The following SGCD variants were observed in gnomAD, a reference collection of about 807,000 sequenced individuals.
SGCD encodes the protein delta-sarcoglycan.
Under a neutral mutation model 36.6 loss-of-function variants are expected in SGCD, and 18 were observed. The ratio of observed to expected loss-of-function variants is 0.49; its 90% CI spans 0.34 to 0.73. SGCD has a LOEUF of 0.73. SGCD is among the 30% of genes least tolerant of loss of function. The pLI is 0.01. For synonymous variants in SGCD, 133 were observed against 130.6 expected, an observed-to-expected ratio of 1.02 and a Z score of -0.12; for missense variants, 387 against 346.7, an observed-to-expected ratio of 1.12 and a Z score of -0.92.
intron 3 of SGCD, among the ~76,000 whole-genome samples, chr5:156,428,547 C>A (rs1213730970): frequency 6.6e-6 from 1 of 151,946 alleles, no homozygotes; most frequent in Non-Finnish European, 1.5e-5. Context: ...TAGTTCTGCT[C>A]TGATCCTTGT....
At chr5:156,334,612 T>TC (rs1023953599) in intron 2 of SGCD, among the ~76,000 whole-genome samples, 4 of 145,934 alleles carry the variant, frequency 2.7e-5, no homozygotes, top group African/African-American at 1.0e-4. Flanking sequence ...CTATTTTCTT[T>TC]TTTTTTTTTT....
chr5:156,204,367 C>T (rs766757480), intron 3 of SGCD, among the ~76,000 whole-genome samples: 9 of 151,802 alleles, frequency 5.9e-5, no homozygotes, highest in Non-Finnish European at 1.2e-4. Context: ...TGAGGGCTTG[C>T]GGTGTGTATA....
At chr5:155,999,146 A>G (rs946939749) in intron 1 of SGCD, among the ~76,000 whole-genome samples, 70 of 152,224 alleles carry the variant, frequency 4.6e-4, no homozygotes, top group African/African-American at 1.5e-3. Context: ...TCATCTGCCA[A>G]CATCTGGGGT....
chr5:156,329,675 T>G lies in SGCD; in HGVS notation c.3+96T>G, dbSNP rs925604288. 6.3e-6 allele frequency: 7 copies of G among 1,110,382 alleles called. No homozygotes were observed. The African/African-American group carries it at 1.1e-4, about 17-fold the overall frequency. 68.8% of individuals were successfully genotyped at this position (1,110,382 alleles called of 1,614,324 possible). On this transcript the variant is annotated intron_variant, in intron 2 of 8. Coordinates refer to ENST00000337851, the MANE Select transcript of SGCD (RefSeq NM_000337.6). ...TTGAAAAAGAGAACAAAGTGTTATA[T>G]ATGCCTTATCCTGATGAAGACATTT...
chr5:156,510,132 A>G (rs1420120467), intron 4 of SGCD, among the ~76,000 whole-genome samples: 2 of 152,238 alleles, frequency 1.3e-5, no homozygotes, highest in African/African-American at 4.8e-5. Context: ...GCTTAGTAAA[A>G]GAGAGGGAAC....
chr5:156,245,315 A>G (rs902970443), intron 3 of SGCD, among the ~76,000 whole-genome samples: 3 of 152,180 alleles, frequency 2.0e-5, no homozygotes, highest in African/African-American at 4.8e-5. Context: ...AGGATATTCG[A>G]TAGTTGTTCA....
intron 7 of SGCD, among the ~76,000 whole-genome samples, chr5:156,748,045 C>T (rs904932370): frequency 3.9e-5 from 6 of 152,164 alleles, no homozygotes; most frequent in African/African-American, 1.4e-4. Context: ...CAATCAACCA[C>T]TACTAAGCAA....
At chr5:156,539,960 G>A (rs1758286389) in intron 4 of SGCD, among the ~76,000 whole-genome samples, 1 of 152,070 alleles carries the variant, frequency 6.6e-6, no homozygotes, top group Non-Finnish European at 1.5e-5. Context: ...ACGAGTTCAT[G>A]GAGTCAAAAA....
intron 4 of SGCD, among the ~76,000 whole-genome samples, chr5:156,548,231 C>T (rs1758658030): frequency 6.6e-6 from 1 of 152,144 alleles, no homozygotes. Context: ...ATTTCACTGG[C>T]AAGATGAATA....
chr5:156,330,016 CAAAAAAAAAA>C (rs758475764), intron 2 of SGCD, among the ~76,000 whole-genome samples: 1 of 57,564 alleles, frequency 1.7e-5, no homozygotes, highest in African/African-American at 6.8e-5. Flanking sequence ...GATTCAGTCT[CAAAAAAAAAA>C]AAAAAAAAAA....
chr5:156,269,970 G>A (rs1347673961), intron 3 of SGCD, among the ~76,000 whole-genome samples: 1 of 152,174 alleles, frequency 6.6e-6, no homozygotes, highest in Non-Finnish European at 1.5e-5. Flanking sequence ...CACAATGAAA[G>A]TGCCTAGGTT....
At chr5:155,761,699 CCTCTCCATCAT>C in the SGCD span, among the ~76,000 whole-genome samples, 1 of 149,270 alleles carries the variant, frequency 6.7e-6, no homozygotes, top group Non-Finnish European at 1.5e-5. Context: ...TCTCCATCAC[CCTCTCCATCAT>C]CTCTCCATCA....
At chr5:156,687,869 C>T (rs961602511) in intron 7 of SGCD, among the ~76,000 whole-genome samples, 1 of 152,126 alleles carries the variant, frequency 6.6e-6, no homozygotes, top group Non-Finnish European at 1.5e-5. Context: ...TCGTTACCAG[C>T]CTAATTCCCA....
chr5:155,740,651 GC>G, the SGCD span, among the ~76,000 whole-genome samples: 1 of 152,116 alleles, frequency 6.6e-6, no homozygotes, highest in East Asian at 1.9e-4. Flanking sequence ...GTCTTGAGCA[GC>G]TATACTCTTT....
Position 156,705,467 on chromosome 5 carries a change from A to G in SGCD, c.576-52114A>G, listed in dbSNP as rs113161028. ...CATTTTCTCTCTTCTCCTCTGCTGG[A>G]ATATCAGCAATTGTCTTCATATGTC... On this transcript the variant is annotated intron_variant, in intron 7 of 8. Coordinates refer to ENST00000337851, the MANE Select transcript of SGCD (RefSeq NM_000337.6). Among the ~76,000 whole-genome samples, 947 of 152,264 alleles carry G rather than the reference A, an allele frequency of 6.2e-3. 16 individuals carry two copies. The highest frequency in any genetic ancestry group is 0.022 in the African/African-American group (897 of 41,550).
At chr5:156,380,786 G>A (rs540114038) in intron 3 of SGCD, among the ~76,000 whole-genome samples, 1 of 152,320 alleles carries the variant, frequency 6.6e-6, no homozygotes, top group South Asian at 2.1e-4. Flanking sequence ...AGTGTGTAGT[G>A]CAGAGCCCAG....
In SGCD at chr5:156,543,653, G is replaced by T. The variant is rs141049462; in HGVS notation, c.294+34951G>T. ...GGATTTCATGGGAAAACAAATGTAA[G>T]GGGCTGGGCTAAGTGCCAGACACAA... On this transcript the variant is annotated intron_variant, in intron 4 of 8. Transcript: ENST00000337851. Among the ~76,000 whole-genome samples, 184 of 152,314 alleles carry T rather than the reference G, an allele frequency of 1.2e-3. 1 individual carries two copies. The highest frequency in any genetic ancestry group is 4.1e-3 in the African/African-American group (169 of 41,564).
At chr5:156,365,964 CATAA>C (rs1770078764) in intron 3 of SGCD, among the ~76,000 whole-genome samples, 1 of 152,068 alleles carries the variant, frequency 6.6e-6, no homozygotes, top group Non-Finnish European at 1.5e-5. Context: ...ACCTTCTATA[CATAA>C]ATCTCTGTAA....
In SGCD at chr5:156,392,989, G is replaced by T. The variant is rs535911381; in HGVS notation, c.192+48312G>T. Among the ~76,000 whole-genome samples the T allele has an allele frequency of 2.0e-5, 3 of 152,164 alleles. No homozygotes were observed. The South Asian group carries it at 6.2e-4, about 32-fold the overall frequency. On this transcript the variant is annotated intron_variant, in intron 3 of 8. Coordinates refer to ENST00000337851, the MANE Select transcript of SGCD (RefSeq NM_000337.6). ...GCGTGGCGGGGAAATTCAACATTTG[G>T]GCAGAAAAACAAAAATGCCTATCCT...
Sources: allele counts gnomAD v4.1 joint callset (sites outside exome capture counted in the v4.1 genomes callset), GRCh38; gene constraint gnomAD v4.1.1; transcripts MANE v1.5; gene names NCBI Gene and HGNC (gene_info 2026-07-23, HGNC 2026-07-21).